TRAPPC9: variants seen among roughly 807,000 people sequenced by gnomAD.
The protein encoded by TRAPPC9 is trafficking protein particle complex subunit 9.
In TRAPPC9, 83 loss-of-function variants were observed where a neutral mutation model predicts 124.0. That is an observed-to-expected ratio of 0.67 (90% CI 0.56 to 0.80). The LOEUF (loss-of-function observed/expected upper bound fraction) is 0.80. TRAPPC9 is among the 30% of genes least tolerant of loss of function. TRAPPC9 has a pLI of 0.00. For synonymous variants in TRAPPC9, 638 were observed against 617.5 expected (o/e 1.03, Z -0.49); for missense variants, 1,302 against 1,508.3 (o/e 0.86, Z 2.27).
intron 17 of TRAPPC9, among the ~76,000 whole-genome samples, chr8:140,112,131 G>C (rs1174078506): frequency 6.6e-6 from 1 of 152,256 alleles, no homozygotes; most frequent in Non-Finnish European, 1.5e-5. Flanking sequence ...GCCTTGCCTT[G>C]GGCACGAGGA....
At chr8:140,164,939 C>G (rs963542680) in intron 17 of TRAPPC9, among the ~76,000 whole-genome samples, 1 of 152,222 alleles carries the variant, frequency 6.6e-6, no homozygotes, top group Non-Finnish European at 1.5e-5. Flanking sequence ...CTAGCATGAG[C>G]AGGCTGCTGG....
Position 139,802,341 on chromosome 8 carries a change from G to A in TRAPPC9, c.3056-70139C>T, listed in dbSNP as rs138098610. 7.9e-3 allele frequency among the ~76,000 whole-genome samples: 1,205 copies of A among 152,292 alleles called. 13 individuals carry two copies. Among genetic ancestry groups the A allele is most frequent in the African/African-American group, 0.027 (1,133 of 41,554 alleles). ...GGGGACTGGCTTTTCACTAGGGGTG[G>A]AGGGGAGACAAGGAGAGGAGCTGTG... On this transcript the variant is annotated intron_variant, in intron 21 of 22. Coordinates refer to ENST00000438773, the MANE Select transcript of TRAPPC9 (RefSeq NM_001160372.4).
chr8:139,959,050 A>G, intron 19 of TRAPPC9, among the ~76,000 whole-genome samples: 1 of 151,866 alleles, frequency 6.6e-6, no homozygotes, highest in Non-Finnish European at 1.5e-5. Context: ...GGAGCCCTGC[A>G]TTCCGAGTCA....
intron 12 of TRAPPC9, among the ~76,000 whole-genome samples, chr8:140,288,513 GTA>G (rs1554661517): frequency 6.6e-6 from 1 of 152,172 alleles, no homozygotes; most frequent in Non-Finnish European, 1.5e-5. Context: ...ATTGGAAGCA[GTA>G]CAGGTATGTC....
chr8:140,273,735 TC>T (rs151119087), intron 15 of TRAPPC9, among the ~76,000 whole-genome samples: 2,260 of 152,266 alleles, frequency 0.015, 40 homozygotes, highest in African/African-American at 0.051. Flanking sequence ...TTTTCCTTAG[TC>T]CTCCCAGAGT....
At chr8:140,126,893 C>T (rs2061108946) in intron 17 of TRAPPC9, among the ~76,000 whole-genome samples, 1 of 152,150 alleles carries the variant, frequency 6.6e-6, no homozygotes, top group African/African-American at 2.4e-5. Flanking sequence ...ATTGTGCGTT[C>T]GCAGCTTCAT....
intron 19 of TRAPPC9, among the ~76,000 whole-genome samples, chr8:139,945,584 A>C (rs1834164807): frequency 6.7e-6 from 1 of 148,964 alleles, no homozygotes; most frequent in South Asian, 2.1e-4. Context: ...CCAACAAAAA[A>C]CAGTCAGTAA....
chr8:139,951,863 C>T (rs886601981), intron 19 of TRAPPC9, among the ~76,000 whole-genome samples: 9 of 152,172 alleles, frequency 5.9e-5, no homozygotes, highest in African/African-American at 1.9e-4. Flanking sequence ...ACGCTTAAGG[C>T]CAAGCAGCAG....
intron 21 of TRAPPC9, among the ~76,000 whole-genome samples, chr8:139,790,032 T>C (rs570786819): frequency 1.3e-5 from 2 of 152,262 alleles, no homozygotes; most frequent in African/African-American, 2.4e-5. Context: ...CTGGCCGGGC[T>C]GGGGAACATG....
At chr8:139,926,620 A>C (rs1366073827) in intron 19 of TRAPPC9, among the ~76,000 whole-genome samples, 2 of 151,646 alleles carry the variant, frequency 1.3e-5, no homozygotes, top group South Asian at 2.1e-4. Context: ...AAAAAAAAAA[A>C]AAACTCCTGA....
chr8:140,002,844 CAAAAAAA>C (rs56895763), intron 18 of TRAPPC9, among the ~76,000 whole-genome samples: 133 of 68,818 alleles, frequency 1.9e-3, no homozygotes, highest in South Asian at 8.5e-3. Flanking sequence ...TTCCACTTAT[CAAAAAAA>C]AAAAAAAAAA....
intron 20 of TRAPPC9, among the ~76,000 whole-genome samples, chr8:139,902,437 C>T (rs560194664): frequency 6.6e-5 from 10 of 152,252 alleles, no homozygotes; most frequent in East Asian, 5.8e-4. Flanking sequence ...TTCCCTGCTA[C>T]GGGAGATTAA....
At chr8:139,861,816 T>A (rs1236147667) in intron 21 of TRAPPC9, among the ~76,000 whole-genome samples, 1 of 152,100 alleles carries the variant, frequency 6.6e-6, no homozygotes, top group Non-Finnish European at 1.5e-5. Context: ...CTGCCTGCCA[T>A]GATCCAGTGC....
rs1192988400 is a variant in TRAPPC9, at chr8:140,410,123, G to GGCAT, written c.887-4429_887-4426dup. On this transcript the variant is annotated intron_variant, in intron 5 of 22. Coordinates refer to ENST00000438773, the MANE Select transcript of TRAPPC9 (RefSeq NM_001160372.4). Reference sequence around the variant, plus strand: ...GCCACTGCACTCCAGCCTGGGTGAGGGCATGAGACCTTGTCTCCAAAAAAA... The same window carrying GGCAT: ...GCCACTGCACTCCAGCCTGGGTGAGGGCATGCATGAGACCTTGTCTCCAAAAAAA... Among the ~76,000 whole-genome samples the GGCAT allele has an allele frequency of 3.1e-5, 4 of 127,862 alleles. No homozygotes were observed. In the Admixed American group the frequency reaches 3.2e-4, roughly 10 times the overall value. The allele number at this position is 127,862 out of a possible 152,430, so 83.9% of individuals were successfully genotyped here. A position where few individuals can be genotyped will look rare whatever the true frequency, so the allele number is the denominator to read the frequency against.
chr8:140,002,262 C>A (rs557279258), intron 18 of TRAPPC9, among the ~76,000 whole-genome samples: 42 of 151,096 alleles, frequency 2.8e-4, no homozygotes, highest in Non-Finnish European at 4.3e-4. Flanking sequence ...TAGAAAAAAA[C>A]CCCTTAATCT....
intron 21 of TRAPPC9, among the ~76,000 whole-genome samples, chr8:139,827,620 C>T (rs550640162): frequency 1.3e-5 from 2 of 152,318 alleles, no homozygotes; most frequent in South Asian, 2.1e-4. Context: ...ATAAGGACTG[C>T]GTGCCCGCAC....
chr8:139,910,338 G>A (rs1156833565), intron 19 of TRAPPC9, 38 bp from the exon 20 acceptor site: 1 of 1,612,020 alleles, frequency 6.2e-7, no homozygotes, highest in South Asian at 1.1e-5. Flanking sequence ...GAATTCATCA[G>A]TAGGGCAATT....
chr8:140,367,254 C>A (rs187943093), intron 8 of TRAPPC9, among the ~76,000 whole-genome samples: 162 of 152,316 alleles, frequency 1.1e-3, no homozygotes, highest in African/African-American at 3.8e-3. Context: ...CTTATATCCA[C>A]ACAAAAACTT....
At chr8:140,401,532 A>G (rs962700391) in intron 6 of TRAPPC9, among the ~76,000 whole-genome samples, 3 of 152,332 alleles carry the variant, frequency 2.0e-5, no homozygotes, top group Non-Finnish European at 4.4e-5. Flanking sequence ...TATTGACGTG[A>G]GAATAAAAGT....
Sources: gnomAD v4.1 joint callset for allele counts (sites outside exome capture counted in the v4.1 genomes callset) on GRCh38, gnomAD v4.1.1 for gene constraint, MANE v1.5 for transcripts, NCBI Gene and HGNC (gene_info 2026-07-23, HGNC 2026-07-21) for gene names.